LINGO2: variants seen among roughly 807,000 people sequenced by gnomAD.
LINGO2 encodes the protein leucine rich repeat and Ig domain containing 2.
LINGO2 carries 14 observed loss-of-function variants against 30.6 expected under a neutral mutation model. The ratio of observed to expected loss-of-function variants is 0.46; its 90% confidence interval spans 0.30 to 0.72. LINGO2 has a LOEUF of 0.72. Ranked by LOEUF, LINGO2 falls within the 30% of genes least tolerant of loss-of-function variation. LINGO2 has a pLI of 0.07. For missense variants in LINGO2, 729 were observed against 751.7 expected (o/e 0.97, Z 0.35); for synonymous variants, 317 against 288.5 (o/e 1.10, Z -1.00).
intron 4 of LINGO2, among the ~76,000 whole-genome samples, chr9:28,128,194 G>A (rs1184085811): frequency 6.6e-6 from 1 of 152,182 alleles, no homozygotes; most frequent in African/African-American, 2.4e-5. Context: ...AAGATCTAGA[G>A]AGGAAAAGTG....
the LINGO2 span, among the ~76,000 whole-genome samples, chr9:28,986,215 T>A: frequency 6.2e-4 from 94 of 151,666 alleles, no homozygotes; most frequent in Non-Finnish European, 1.3e-3. Flanking sequence ...CACTGGCTGA[T>A]GTGTGTGTGT....
At chr9:28,248,480 C>T (rs1009569255) in intron 4 of LINGO2, among the ~76,000 whole-genome samples, 1 of 152,130 alleles carries the variant, frequency 6.6e-6, no homozygotes, top group African/African-American at 2.4e-5. Context: ...ATAGGGTGTA[C>T]AGGGAAGGAT....
At chr9:29,213,498 G>C in the LINGO2 span, among the ~76,000 whole-genome samples, 1 of 152,110 alleles carries the variant, frequency 6.6e-6, no homozygotes, top group South Asian at 2.1e-4. Flanking sequence ...GGCGGGCGGC[G>C]GCGCCAGGTG....
chr9:28,604,839 G>C (rs1278581009), intron 1 of LINGO2, among the ~76,000 whole-genome samples: 1 of 151,984 alleles, frequency 6.6e-6, no homozygotes, highest in Non-Finnish European at 1.5e-5. Flanking sequence ...AATGAGGAAA[G>C]GTATTAACTT....
chr9:27,945,301 T>G (rs1051041625), downstream of LINGO2, among the ~76,000 whole-genome samples: 1 of 152,104 alleles, frequency 6.6e-6, no homozygotes, highest in African/African-American at 2.4e-5. Flanking sequence ...CAGGCCTCAA[T>G]GCAAATGACA....
chr9:28,768,187 C>A, the LINGO2 span, among the ~76,000 whole-genome samples: 46 of 152,160 alleles, frequency 3.0e-4, no homozygotes, highest in Admixed American at 1.8e-3. Context: ...TTGATGTTTT[C>A]TCGTTGTTAG....
chr9:28,950,930 C>T, the LINGO2 span, among the ~76,000 whole-genome samples: 1 of 152,062 alleles, frequency 6.6e-6, no homozygotes, highest in Non-Finnish European at 1.5e-5. Context: ...GCTCATATAG[C>T]CAAGACAATC....
chr9:28,131,545 GGAA>G (rs780913626), intron 4 of LINGO2, among the ~76,000 whole-genome samples: 2 of 152,080 alleles, frequency 1.3e-5, no homozygotes, highest in Non-Finnish European at 2.9e-5. Flanking sequence ...TATAATGGAG[GGAA>G]GAAGAAGGAT....
chr9:28,091,529 A>C (rs556632350), intron 4 of LINGO2, among the ~76,000 whole-genome samples: 3 of 152,320 alleles, frequency 2.0e-5, no homozygotes, highest in Admixed American at 2.0e-4. Flanking sequence ...TCCCTTCCTT[A>C]TACCTTATAC....
intron 3 of LINGO2, among the ~76,000 whole-genome samples, chr9:28,367,486 T>C (rs1226962837): frequency 1.3e-5 from 2 of 152,088 alleles, no homozygotes; most frequent in Admixed American, 1.3e-4. Flanking sequence ...GTTATCTCCT[T>C]CTTATATTCA....
chr9:28,068,659 T>A (rs527755003), intron 4 of LINGO2, among the ~76,000 whole-genome samples: 1 of 152,308 alleles, frequency 6.6e-6, no homozygotes, highest in South Asian at 2.1e-4. Flanking sequence ...ACCATACTTA[T>A]TCGATCTGCA....
chr9:28,405,684 A>G lies in LINGO2; in HGVS notation c.-278-32816T>C, dbSNP rs1308534683. On this transcript the variant is annotated intron_variant, in intron 2 of 5. Transcript: ENST00000379992. ...TGCTTGTTTTAGTTATCCATTGAAA[A>G]TGGTTTTAGAAGTGGTTGTTTTTAG... 2.0e-5 allele frequency among the ~76,000 whole-genome samples: 3 copies of G among 152,298 alleles called. No individual in the cohort carries two copies. In the East Asian group the frequency reaches 5.8e-4, roughly 29 times the overall value.
At chr9:28,766,298 C>T in the LINGO2 span, among the ~76,000 whole-genome samples, 3 of 151,834 alleles carry the variant, frequency 2.0e-5, no homozygotes, top group Non-Finnish European at 4.4e-5. Flanking sequence ...TCTGAATAGA[C>T]ATTGTTCCAA....
chr9:28,287,423 T>C (rs78241359), intron 4 of LINGO2, among the ~76,000 whole-genome samples: 4,171 of 152,294 alleles, frequency 0.027, 169 homozygotes, highest in African/African-American at 0.095. Flanking sequence ...GGCTCCTTCC[T>C]CCAGTTATTT....
At chr9:28,915,782 G>T in the LINGO2 span, among the ~76,000 whole-genome samples, 1 of 152,116 alleles carries the variant, frequency 6.6e-6, no homozygotes, top group African/African-American at 2.4e-5. Context: ...AATAAGATAT[G>T]TATTATCCCT....
chr9:28,610,818 G>A (rs1825884960), intron 1 of LINGO2, among the ~76,000 whole-genome samples: 1 of 152,104 alleles, frequency 6.6e-6, no homozygotes, highest in African/African-American at 2.4e-5. Flanking sequence ...ACTCTAAAAT[G>A]GGTTAGTCAA....
At chr9:28,991,957 C>G in the LINGO2 span, among the ~76,000 whole-genome samples, 1 of 152,160 alleles carries the variant, frequency 6.6e-6, no homozygotes, top group African/African-American at 2.4e-5. Flanking sequence ...ACTGCATCAA[C>G]TAACGAGCAA....
At chr9:29,130,666 ATTT>A in the LINGO2 span, among the ~76,000 whole-genome samples, 1 of 152,124 alleles carries the variant, frequency 6.6e-6, no homozygotes, top group Non-Finnish European at 1.5e-5. Context: ...ACCTGGAACA[ATTT>A]TAGCACACTT....
At position 28,472,280 on chromosome 9, in the gene LINGO2, T is replaced by C. The variant is rs77018953; in HGVS notation, c.-279+3660A>G. 5.7e-3 allele frequency among the ~76,000 whole-genome samples: 859 copies of C among 151,776 alleles called. 38 individuals are homozygous for C. In the East Asian group the frequency reaches 0.095, roughly 17 times the overall value. ...AACAGAAGAGACTAAAGTTAAAAAA[T>C]AAAAAATTACTTCTTATTCCACTAG... On this transcript the variant is annotated intron_variant, in intron 2 of 5. Coordinates refer to ENST00000379992, the Ensembl canonical transcript of LINGO2.
Sources: gnomAD v4.1 joint callset for allele counts (sites outside exome capture counted in the v4.1 genomes callset) on GRCh38, gnomAD v4.1.1 for gene constraint, MANE v1.5 for transcripts, NCBI Gene and HGNC (gene_info 2026-07-23, HGNC 2026-07-21) for gene names.